RAPGEF2: variants seen among roughly 807,000 people sequenced by gnomAD.
The protein encoded by RAPGEF2 is PDZ domain containing guanine nucleotide exchange factor (GEF) 1.
RAPGEF2 carries 54 observed loss-of-function variants against 186.7 expected under a neutral mutation model. The ratio of observed to expected loss-of-function variants is 0.29; its 90% CI spans 0.23 to 0.36. RAPGEF2 has a LOEUF of 0.36. Ranked by LOEUF, RAPGEF2 falls within the 10% of genes least tolerant of loss-of-function variation. RAPGEF2 has a pLI of 1.00. For synonymous variants in RAPGEF2, 712 were observed against 705.9 expected (o/e 1.01, Z -0.14); for missense variants, 1,532 against 2,045.0 (o/e 0.75, Z 4.84).
At chr4:159,295,370 T>C (rs1278982810) in intron 7 of RAPGEF2, among the ~76,000 whole-genome samples, 1 of 152,128 alleles carries the variant, frequency 6.6e-6, no homozygotes, top group Non-Finnish European at 1.5e-5. Flanking sequence ...AAAGGAATTA[T>C]ATGCAGAGTG....
Position 159,345,193 on chromosome 4 carries a change from T to G in RAPGEF2, c.3366T>G (p.Phe1122Leu). The change falls in exon 24 of 30, where the codon TTT becomes TTG. Residue 1122 changes from phenylalanine (F) to leucine (L), a missense_variant. Coordinates refer to ENST00000691494, the MANE Select transcript of RAPGEF2 (RefSeq NM_001394067.2). ...AAAAGCGGGTACGTCGTAGTTCCTT[T>G]CTCAATGCCAAAAAGCTTTATGAAG... ...GHKKRVRRSS[F>L]LNAKKLYEDA... 1 of 1,614,160 alleles carries G rather than the reference T, an allele frequency of 6.2e-7. No individual in the cohort carries two copies. The highest frequency in any genetic ancestry group is 8.5e-7 in the Non-Finnish European group (1 of 1,180,004).
rs1737621314 is a variant in RAPGEF2 at position 159,104,532 on chromosome 4, G to GAGAGAGAGAGAGAGAC, written c.69+302_69+303insGAGAGAGAGAGAGACA. ...AGAGAGAGAGAGAGAGAGAGGGAGA[G>GAGAGAGAGAGAGAGAC]ACAGAGAGAGAGAGAGAGAGAGTGT... On this transcript the variant is annotated intron_variant, in intron 1 of 29. Transcript: ENST00000691494. Among the ~76,000 whole-genome samples the GAGAGAGAGAGAGAGAC allele has an allele frequency of 3.4e-5, 4 of 119,118 alleles. 1 individual carries two copies. The Admixed American group carries it at 3.4e-4, about 10-fold the overall frequency. 78.1% of individuals were successfully genotyped at this position (119,118 alleles called of 152,430 possible). A position where few individuals can be genotyped will look rare whatever the true frequency, so the allele number is the denominator to read the frequency against.
At chr4:159,118,422 A>G (rs909138646) in intron 1 of RAPGEF2, among the ~76,000 whole-genome samples, 3 of 152,152 alleles carry the variant, frequency 2.0e-5, no homozygotes, top group Non-Finnish European at 4.4e-5. Flanking sequence ...TTATTTCATT[A>G]TATATTACAA....
intron 1 of RAPGEF2, among the ~76,000 whole-genome samples, chr4:159,162,625 G>A (rs1229044833): frequency 6.6e-6 from 1 of 152,046 alleles, no homozygotes; most frequent in African/African-American, 2.4e-5. Context: ...GGTTTTGCTG[G>A]TGTTCTCTCA....
chr4:159,181,745 C>T (rs1747034448), intron 1 of RAPGEF2, among the ~76,000 whole-genome samples: 1 of 152,100 alleles, frequency 6.6e-6, no homozygotes, highest in Non-Finnish European at 1.5e-5. Flanking sequence ...CCATGTTGGC[C>T]AGGGTGGTCT....
At chr4:159,137,682 T>G (rs916044750) in intron 1 of RAPGEF2, among the ~76,000 whole-genome samples, 2 of 121,604 alleles carry the variant, frequency 1.6e-5, no homozygotes, top group Non-Finnish European at 3.3e-5. Flanking sequence ...TTCTAGGAAA[T>G]GAGAATGAGT....
chr4:159,280,404 G>A (rs569841152), intron 7 of RAPGEF2, among the ~76,000 whole-genome samples: 88 of 152,292 alleles, frequency 5.8e-4, no homozygotes, highest in African/African-American at 2.1e-3. Context: ...GAAATCCACT[G>A]ATGATGGATT....
chr4:159,203,467 A>T (rs1041561476), intron 3 of RAPGEF2, among the ~76,000 whole-genome samples: 3 of 152,142 alleles, frequency 2.0e-5, no homozygotes, highest in Admixed American at 6.5e-5. Context: ...GCATGTACAC[A>T]GGGCACTGGG....
intron 1 of RAPGEF2, among the ~76,000 whole-genome samples, chr4:159,109,104 T>C (rs368125938): frequency 5.9e-5 from 9 of 152,172 alleles, no homozygotes; most frequent in African/African-American, 2.2e-4. Context: ...AATAATGATA[T>C]GATAACCTTC....
intron 1 of RAPGEF2, among the ~76,000 whole-genome samples, chr4:159,152,413 C>T (rs574574297): frequency 6.6e-6 from 1 of 152,212 alleles, no homozygotes; most frequent in East Asian, 1.9e-4. Flanking sequence ...GGCAGAATGC[C>T]CATTCCTGAA....
intron 3 of RAPGEF2, among the ~76,000 whole-genome samples, chr4:159,201,916 C>A (rs893990036): frequency 3.3e-5 from 5 of 152,084 alleles, no homozygotes; most frequent in African/African-American, 1.2e-4. Context: ...GATCAATAGC[C>A]CTCGATGATG....
intron 11 of RAPGEF2, among the ~76,000 whole-genome samples, chr4:159,324,442 A>AG (rs1273258613): frequency 1.6e-4 from 25 of 152,258 alleles, no homozygotes; most frequent in Admixed American, 2.6e-4. Flanking sequence ...ACTAAAAAAA[A>AG]GTGTTATGTA....
chr4:159,245,007 A>G lies in RAPGEF2; in HGVS notation c.543+1216A>G, dbSNP rs552162582. On this transcript the variant is annotated intron_variant, in intron 7 of 29. Transcript: ENST00000691494. ...AGAGTACACTTAAAATATATATAAC[A>G]TGATATTTTAAAAGATAAATCAATA... Among the ~76,000 whole-genome samples the G allele has an allele frequency of 3.0e-3, 452 of 152,162 alleles. 2 individuals are homozygous for G. Among genetic ancestry groups the G allele is most frequent in the African/African-American group, 9.8e-3 (409 of 41,574 alleles).
At chr4:159,330,935 A>G (rs1766603413) in intron 13 of RAPGEF2, among the ~76,000 whole-genome samples, 1 of 152,180 alleles carries the variant, frequency 6.6e-6, no homozygotes, top group Non-Finnish European at 1.5e-5. Flanking sequence ...TATAATTCTA[A>G]GGAGACCATC....
chr4:159,233,190 G>C (rs972983898), intron 4 of RAPGEF2, among the ~76,000 whole-genome samples: 2 of 152,070 alleles, frequency 1.3e-5, no homozygotes, highest in African/African-American at 4.8e-5. Flanking sequence ...TTATTCTCCT[G>C]CTCCTCATGC....
intron 1 of RAPGEF2, among the ~76,000 whole-genome samples, chr4:159,130,487 C>G (rs978716243): frequency 6.6e-6 from 1 of 152,166 alleles, no homozygotes; most frequent in Non-Finnish European, 1.5e-5. Context: ...CCTCAGCCCC[C>G]CAAGTAGCTA....
chr4:159,295,970 C>CA (rs1242934472), intron 7 of RAPGEF2, among the ~76,000 whole-genome samples: 8 of 152,058 alleles, frequency 5.3e-5, no homozygotes, highest in African/African-American at 1.9e-4. Flanking sequence ...GAAATGACCC[C>CA]AAGCGATCTT....
intron 7 of RAPGEF2, among the ~76,000 whole-genome samples, chr4:159,281,479 G>T (rs1479963633): frequency 6.6e-6 from 1 of 150,472 alleles, no homozygotes; most frequent in African/African-American, 2.4e-5. Flanking sequence ...AGACCAGCCT[G>T]GCCAACATGG....
intron 25 of RAPGEF2, 123 bp downstream of exon 25, chr4:159,347,121 C>G: frequency 2.1e-6 from 2 of 931,546 alleles, no homozygotes; most frequent in Non-Finnish European, 1.6e-6. Flanking sequence ...TAATTATTAG[C>G]TCCTAATAAA....
Sources: gnomAD v4.1 joint callset for allele counts (sites outside exome capture counted in the v4.1 genomes callset) on GRCh38, gnomAD v4.1.1 for gene constraint, MANE v1.5 for transcripts, NCBI Gene and HGNC (gene_info 2026-07-23, HGNC 2026-07-21) for gene names.